Variants in DAZAP1 observed in about 807,000 individuals in gnomAD.
DAZAP1 encodes DAZ-associated protein 1.
A neutral mutation model predicts 60.1 loss-of-function variants in DAZAP1; 6 were observed. The observed-to-expected ratio is 0.10, with a 90% CI of 0.05 to 0.20. DAZAP1 has a LOEUF of 0.20. Ranked by LOEUF, DAZAP1 falls within the 10% of genes least tolerant of loss-of-function variation. DAZAP1 has a pLI of 1.00. For synonymous variants in DAZAP1, 235 were observed against 215.9 expected, an observed-to-expected ratio of 1.09 and a Z score of -0.78; for missense variants, 366 against 560.4, an observed-to-expected ratio of 0.65 and a Z score of 3.50.
rs1475406729 is a variant in DAZAP1 at position 1,434,232 on chromosome 19, C to A, written c.1049-505C>A. On this transcript the variant is annotated intron_variant, in intron 11 of 11. Coordinates refer to ENST00000233078, the MANE Select transcript of DAZAP1 (RefSeq NM_018959.4). The surrounding 1 kb of genome is among the most constrained non-coding windows in gnomAD (Gnocchi z 8.0). ...GGGGCAGTCAGGTTGGGCCCAGAAACCCTTCCCTGACACGTGCCACCGATG... is the reference window on the plus strand; with the variant it reads ...GGGGCAGTCAGGTTGGGCCCAGAAAACCTTCCCTGACACGTGCCACCGATG... 3.2e-5 allele frequency: 7 copies of A among 221,568 alleles called. No homozygotes were observed. Among genetic ancestry groups the A allele is most frequent in the Non-Finnish European group, 6.3e-5 (7 of 110,570 alleles). The allele number at this position is 221,568 out of a possible 1,614,324, so 13.7% of individuals were successfully genotyped here.
intron 8 of DAZAP1, among the ~76,000 whole-genome samples, chr19:1,429,559 CTG>C (rs1203083118): frequency 2.0e-5 from 3 of 152,246 alleles, no homozygotes; most frequent in East Asian, 1.9e-4. Context: ...GGTCCCGAGA[CTG>C]TGGCTTCCCT....
Position 1,430,304 on chromosome 19 carries a change from TG to T in DAZAP1, c.815del (p.Gly272GlufsTer63). ...FTSYIVSTPP[G>X]GFPPPQGFPQ... ...CCTCCTACATCGTGTCCACCCCTCC[TG>T]GAGGCTTTCCCCCTCCCCAGGGCTT... On this transcript the variant is annotated frameshift_variant, in exon 10 of 12. Transcript: ENST00000233078. LOFTEE classifies it high-confidence loss of function. 2 of 1,297,974 alleles carry T rather than the reference TG, an allele frequency of 1.5e-6. No individual in the cohort carries two copies. The highest frequency in any genetic ancestry group is 2.2e-5 in the Admixed American group (1 of 46,138). The allele number at this position is 1,297,974 out of a possible 1,614,324, so 80.4% of individuals were successfully genotyped here. A position where few individuals can be genotyped will look rare whatever the true frequency, so the allele number is the denominator to read the frequency against.
rs1411407996 is a variant in DAZAP1 at position 1,433,028 on chromosome 19, C to T, written c.1048+338C>T. ...AGAGGTTCAGGCCCTCGGTGTGGGT[C>T]CCGGGTGCACTGGCCCCTTGGTGGG... On this transcript the variant is annotated intron_variant, in intron 11 of 11. Coordinates refer to ENST00000233078, the MANE Select transcript of DAZAP1 (RefSeq NM_018959.4). The surrounding 1 kb of genome is among the most constrained non-coding windows in gnomAD (Gnocchi z 6.1). 2.3e-5 allele frequency: 6 copies of T among 265,256 alleles called. No individual in the cohort carries two copies. The East Asian group carries it at 5.5e-4, about 24-fold the overall frequency. 16.4% of individuals were successfully genotyped at this position (265,256 alleles called of 1,614,324 possible).
intron 1 of DAZAP1, among the ~76,000 whole-genome samples, chr19:1,415,052 C>G (rs1325124583): frequency 6.6e-6 from 1 of 152,136 alleles, no homozygotes; most frequent in Non-Finnish European, 1.5e-5. Context: ...TAGGCGTGAT[C>G]TGCGCCCAGC....
chr19:1,429,847 C>G (rs2077485734), intron 8 of DAZAP1, 120 bp from the exon 9 acceptor site: 4 of 1,265,228 alleles, frequency 3.2e-6, no homozygotes, highest in African/African-American at 3.0e-5. Flanking sequence ...CGAACAGGCT[C>G]TAAGCACAGG....
chr19:1,434,064 C>T lies in DAZAP1; in HGVS notation c.1049-673C>T. 3 of 565,126 alleles carry T rather than the reference C, an allele frequency of 5.3e-6. No homozygotes were observed. 35.0% of individuals were successfully genotyped at this position (565,126 alleles called of 1,614,324 possible). On this transcript the variant is annotated intron_variant, in intron 11 of 11. Transcript: ENST00000233078. The surrounding 1 kb of genome is among the most constrained non-coding windows in gnomAD (Gnocchi z 8.0). ...GGGAACCCAGAGGTCGTGGGAGGGG[C>T]TTCCTGCAAGGTGTGCAGCGGGGTG...
rs992334559 is a variant in DAZAP1 at position 1,430,115 on chromosome 19, G to T, written c.731-107G>T. 7.7e-6 allele frequency: 12 copies of T among 1,555,576 alleles called. No individual in the cohort carries two copies. The African/African-American group carries it at 1.2e-4, about 16-fold the overall frequency. On this transcript the variant is annotated intron_variant, in intron 9 of 11. Coordinates refer to ENST00000233078, the MANE Select transcript of DAZAP1 (RefSeq NM_018959.4). ...CCGTGTCCTGAGTGCTGGAGAGGAA[G>T]AGAGGGTGAGGGGCCTGCTAGGGCC...
In DAZAP1 at chr19:1,432,836, T is replaced by G. The variant is rs1396282206; in HGVS notation, c.1048+146T>G. The G allele has an allele frequency of 7.4e-6, 7 of 944,190 alleles. No individual in the cohort carries two copies. Among genetic ancestry groups the G allele is most frequent in the African/African-American group, 1.7e-5 (1 of 59,950 alleles). 58.5% of individuals were successfully genotyped at this position (944,190 alleles called of 1,614,324 possible). ...AGGGAGGAGAGGGGGGTGTGGGGGT[T>G]GTTGGAGAGATCTCGTGGCAACTCG... On this transcript the variant is annotated intron_variant, in intron 11 of 11. Coordinates refer to ENST00000233078, the MANE Select transcript of DAZAP1 (RefSeq NM_018959.4). This position sits in a 1 kb window ranked among gnomAD's most constrained non-coding sequence, Gnocchi z 4.9.
At chr19:1,414,142 C>T (rs1450200217) in intron 1 of DAZAP1, among the ~76,000 whole-genome samples, 5 of 151,760 alleles carry the variant, frequency 3.3e-5, no homozygotes, top group Admixed American at 6.6e-5. Flanking sequence ...CTCAGCCTCC[C>T]GAGTGGCTAG....
chr19:1,418,418 C>G lies in DAZAP1; in HGVS notation c.237+48C>G. 6.3e-7 allele frequency: 1 copy of G among 1,594,218 alleles called. No homozygotes were observed. Among genetic ancestry groups the G allele is most frequent in the Non-Finnish European group, 8.6e-7 (1 of 1,166,382 alleles). On this transcript the variant is annotated intron_variant, in intron 3 of 11. Coordinates refer to ENST00000233078, the MANE Select transcript of DAZAP1 (RefSeq NM_018959.4). The surrounding 1 kb of genome is among the most constrained non-coding windows in gnomAD (Gnocchi z 5.7). The stretch of plus-strand genomic sequence containing the variant: ...ACACCCGCTCTCTGTCTCCCCTGTC[C>G]TTCCTCTGCTTCATTTTTTCCTGGA...
rs770039308 is a variant in DAZAP1, at chr19:1,418,769, C to T, written c.303+38C>T. On this transcript the variant is annotated intron_variant, in intron 4 of 11. Coordinates refer to ENST00000233078, the MANE Select transcript of DAZAP1 (RefSeq NM_018959.4). This position sits in a 1 kb window ranked among gnomAD's most constrained non-coding sequence, Gnocchi z 5.7. ...GCCGGGCGGCCTCCTTGTGTGTTCT[C>T]CACTCCACGTGGAAAGGAAATGCGT... 2.6e-6 allele frequency: 4 copies of T among 1,558,280 alleles called. No individual in the cohort carries two copies. The highest frequency in any genetic ancestry group is 1.2e-5 in the South Asian group (1 of 82,752).
chr19:1,413,879 C>T (rs749701108), intron 1 of DAZAP1, among the ~76,000 whole-genome samples: 3 of 152,156 alleles, frequency 2.0e-5, no homozygotes, highest in East Asian at 1.9e-4. Flanking sequence ...TAACTTCTGA[C>T]TTACAGGAAA....
Position 1,429,996 on chromosome 19 carries a change from G to T in DAZAP1, c.730G>T (p.Gly244Cys). 1 of 1,573,594 alleles carries T rather than the reference G, an allele frequency of 6.4e-7. No homozygotes were observed. Among genetic ancestry groups the T allele is most frequent in the South Asian group, 1.2e-5 (1 of 86,208 alleles). Residue 244 changes from glycine (G) to cysteine (C), a missense_variant and splice_region_variant, in exon 9 of 12, where the codon GGT (glycine) becomes TGT (cysteine). Around this residue, in one of 3 missense-constraint regions of DAZAP1, gnomAD observed 240 missense variants for 308.8 expected, o/e 0.78. Transcript: ENST00000233078. ...GMWVPAGQAI[G>C]GYGPPPAGRG... is the part of the protein sequence containing the mutation. ...GTGGGTGCCGGCAGGACAGGCGATT[G>T]GTAAGTCCTTGTTTATAGAGCAAAG...
intron 6 of DAZAP1, among the ~76,000 whole-genome samples, chr19:1,424,639 C>G (rs992489819): frequency 4.0e-5 from 6 of 151,684 alleles, no homozygotes; most frequent in Non-Finnish European, 5.9e-5. Context: ...GTTCCCACCC[C>G]CCACGGCCCT....
In DAZAP1 at chr19:1,432,453, C is replaced by G. The variant is rs542872295; in HGVS notation, c.872-61C>G. On this transcript the variant is annotated intron_variant, in intron 10 of 11. Coordinates refer to ENST00000233078, the MANE Select transcript of DAZAP1 (RefSeq NM_018959.4). This position sits in a 1 kb window ranked among gnomAD's most constrained non-coding sequence, Gnocchi z 4.9. ...TCCTGCTGGGCTGGGTGTGGGTCTC[C>G]TGCTGGTCTGCCCCCAGCTGCACAA... The G allele has an allele frequency of 3.8e-6, 6 of 1,582,090 alleles. No individual in the cohort carries two copies. In the African/African-American group the frequency reaches 8.1e-5, roughly 21 times the overall value.
In DAZAP1 at chr19:1,434,463, A is replaced by T. The variant is rs1260970040; in HGVS notation, c.1049-274A>T. 5 of 386,480 alleles carry T rather than the reference A, an allele frequency of 1.3e-5. No homozygotes were observed. Among genetic ancestry groups the T allele is most frequent in the Non-Finnish European group, 2.4e-5 (5 of 212,686 alleles). The allele number at this position is 386,480 out of a possible 1,614,324, so 23.9% of individuals were successfully genotyped here. A position where few individuals can be genotyped will look rare whatever the true frequency, so the allele number is the denominator to read the frequency against. On this transcript the variant is annotated intron_variant, in intron 11 of 11. Coordinates refer to ENST00000233078, the MANE Select transcript of DAZAP1 (RefSeq NM_018959.4). This position sits in a 1 kb window ranked among gnomAD's most constrained non-coding sequence, Gnocchi z 8.0. ...TCACCCCCCCAACCACGTCTTCGGG[A>T]TTGAACAGGGAAGCGGTGAGGTTAC...
rs1250382280 is a variant in DAZAP1 at position 1,428,084 on chromosome 19, G to C, written c.547-758G>C. The C allele has an allele frequency of 6.6e-6, 1 of 152,170 alleles. No individual in the cohort carries two copies. Among genetic ancestry groups the C allele is most frequent in the Non-Finnish European group, 1.5e-5 (1 of 68,044 alleles). The allele number at this position is 152,170 out of a possible 1,614,324, so 9.4% of individuals were successfully genotyped here. A position where few individuals can be genotyped will look rare whatever the true frequency, so the allele number is the denominator to read the frequency against. On this transcript the variant is annotated intron_variant, in intron 7 of 11. Transcript: ENST00000233078. This position sits in a 1 kb window ranked among gnomAD's most constrained non-coding sequence, Gnocchi z 4.0. The stretch of plus-strand genomic sequence containing the variant: ...GTAGGTCAGGCCTGCTCCATCCATT[G>C]TCCCCGGCCCCGCACCCTCCTCCTG...
chr19:1,425,954 CA>C lies in DAZAP1; in HGVS notation c.546del (p.Val183TrpfsTer152), dbSNP rs1348955326. Reference sequence around the variant, plus strand: ...ACATGCATTTTCACGACATCATGGGCAAAAAAGTGTGTAGTTGTAGTTTTAT... The same window carrying C: ...ACATGCATTTTCACGACATCATGGGCAAAAAGTGTGTAGTTGTAGTTTTAT... ...VNMHFHDIMG[K>X]KVEVKRAEPR... On this transcript the variant is annotated frameshift_variant, in exon 7 of 12. Transcript: ENST00000233078. LOFTEE classifies it high-confidence loss of function. The surrounding 1 kb of genome is among the most constrained non-coding windows in gnomAD (Gnocchi z 5.4). 2 of 1,606,284 alleles carry C rather than the reference CA, an allele frequency of 1.2e-6. No individual in the cohort carries two copies. The highest frequency in any genetic ancestry group is 1.7e-6 in the Non-Finnish European group (2 of 1,173,800).
chr19:1,429,019 A>G, intron 8 of DAZAP1, 24 bp downstream of exon 8: 1 of 1,551,560 alleles, frequency 6.4e-7, no homozygotes, highest in Non-Finnish European at 8.7e-7. Flanking sequence ...AGAGGTGCCC[A>G]CGGGAATGTC....
Sources: allele counts gnomAD v4.1 joint callset (sites outside exome capture counted in the v4.1 genomes callset), GRCh38; gene constraint gnomAD v4.1.1; regional missense constraint gnomAD v4.1.1; non-coding constraint Gnocchi (gnomAD v3.1); transcripts MANE v1.5; gene names NCBI Gene and HGNC (gene_info 2026-07-23, HGNC 2026-07-21).